The following SQOR variants were observed in gnomAD, a reference collection of about 807,000 sequenced individuals.
SQOR encodes sulfide quinone oxidoreductase.
In SQOR, 39 loss-of-function variants were observed where a neutral mutation model predicts 48.6. The observed-to-expected ratio is 0.80, with a 90% CI of 0.62 to 1.05. The LOEUF is 1.05. SQOR is among the 50% of genes least tolerant of loss of function. SQOR has a pLI of 0.00. For missense variants in SQOR, 561 were observed against 559.9 expected, an observed-to-expected ratio of 1.00 and a Z score of -0.02; for synonymous variants, 220 against 206.2, an observed-to-expected ratio of 1.07 and a Z score of -0.57.
At chr15:45,633,890 C>T (rs946671096), upstream of SQOR, among the ~76,000 whole-genome samples, 25 of 149,262 alleles carry the variant, frequency 1.7e-4, no homozygotes, top group African/African-American at 5.9e-4. Flanking sequence ...AAATAATATT[C>T]AAGGCTGGGC....
chr15:45,659,715 A>C (rs72715085), intron 2 of SQOR, among the ~76,000 whole-genome samples: 1 of 152,116 alleles, frequency 6.6e-6, no homozygotes, highest in Non-Finnish European at 1.5e-5. Flanking sequence ...GCCACCATTC[A>C]TTGGATTTAT....
At chr15:45,667,274 C>T (rs540430313) in intron 3 of SQOR, among the ~76,000 whole-genome samples, 80 of 151,212 alleles carry the variant, frequency 5.3e-4, no homozygotes, top group African/African-American at 1.9e-3. Flanking sequence ...TCCTGAGTAG[C>T]TGGGACTACA....
chr15:45,674,140 T>C (rs958636430), intron 5 of SQOR: 3 of 250,240 alleles, frequency 1.2e-5, no homozygotes, highest in East Asian at 2.2e-4. Flanking sequence ...AATGTGTGTG[T>C]AAAAGTCTAC....
At chr15:45,667,184 C>G (rs1212026816) in intron 3 of SQOR, among the ~76,000 whole-genome samples, 1 of 136,616 alleles carries the variant, frequency 7.3e-6, no homozygotes, top group Non-Finnish European at 1.6e-5. Context: ...GTTGCCCAGG[C>G]TGGAGTGCAG....
chr15:45,659,089 A>C lies in SQOR; in HGVS notation c.166A>C (p.Ile56Leu), dbSNP rs1889670982. The stretch of plus-strand genomic sequence containing the variant: ...GGTGCTGGGTGGGGGCAGTGGCGGA[A>C]TCACCATGGCTGCCCGCATGAAGAG... ...VLVLGGGSGG[I>L]TMAARMKRKV... Residue 56 changes from isoleucine to leucine, a missense_variant, in exon 2 of 10, where the codon ATC (isoleucine) becomes CTC (leucine). Coordinates refer to ENST00000260324, the MANE Select transcript of SQOR (RefSeq NM_021199.4). 1 of 1,591,662 alleles carries C rather than the reference A, an allele frequency of 6.3e-7. No homozygotes were observed. The highest frequency in any genetic ancestry group is 8.6e-7 in the Non-Finnish European group (1 of 1,169,154).
At chr15:45,672,200 C>A (rs971103544) in intron 4 of SQOR, among the ~76,000 whole-genome samples, 31 of 152,098 alleles carry the variant, frequency 2.0e-4, no homozygotes, top group African/African-American at 6.7e-4. Context: ...GTGCGAAGAC[C>A]CCCAGGCAGG....
chr15:45,635,225 CCGCAGACCCGGTGCGCCG>C (rs1339434510), intron 1 of SQOR, 117 bp downstream of exon 1: 1 of 152,394 alleles, frequency 6.6e-6, no homozygotes, highest in Non-Finnish European at 1.5e-5. Context: ...AGCTGGGACT[CCGCAGACCCGGTGCGCCG>C]CGCCCCAAAC....
chr15:45,659,059 G>A lies in SQOR; in HGVS notation c.136G>A (p.Val46Met), dbSNP rs147877839. ...ASHAARNHYE[V>M]LVLGGGSGGI... Reference sequence around the variant, plus strand: ...CCATGCGGCCAGGAACCATTATGAGGTGCTGGTGCTGGGTGGGGGCAGTGG... The same window carrying A: ...CCATGCGGCCAGGAACCATTATGAGATGCTGGTGCTGGGTGGGGGCAGTGG... The change falls in exon 2 of 10, where the codon GTG becomes ATG. Residue 46 changes from valine (V) to methionine (M), a missense_variant. Val to Met is a conservative substitution (Grantham distance 21). Coordinates refer to ENST00000260324, the MANE Select transcript of SQOR (RefSeq NM_021199.4). The A allele has an allele frequency of 6.6e-5, 106 of 1,597,258 alleles. 1 individual carries two copies. Among genetic ancestry groups the A allele is most frequent in the Middle Eastern group, 5.3e-4 (3 of 5,684 alleles).
At chr15:45,634,307 T>C (rs2140933976), upstream of SQOR, among the ~76,000 whole-genome samples, 1 of 150,790 alleles carries the variant, frequency 6.6e-6, no homozygotes, top group Admixed American at 6.6e-5. Context: ...TGAAAGCTTC[T>C]AGCACTTGCA....
At chr15:45,662,833 C>T (rs932554546) in intron 3 of SQOR, among the ~76,000 whole-genome samples, 9 of 152,204 alleles carry the variant, frequency 5.9e-5, no homozygotes, top group South Asian at 2.1e-4. Flanking sequence ...GTGCAGCCAC[C>T]GTGCTCTGAC....
chr15:45,679,201 C>T (rs1040526996), intron 6 of SQOR, among the ~76,000 whole-genome samples: 4 of 152,194 alleles, frequency 2.6e-5, no homozygotes, highest in African/African-American at 9.7e-5. Flanking sequence ...TAGTTCCACT[C>T]TTAAAATCTG....
At chr15:45,685,098 C>T (rs577546405) in intron 7 of SQOR, among the ~76,000 whole-genome samples, 1 of 152,210 alleles carries the variant, frequency 6.6e-6, no homozygotes, top group East Asian at 1.9e-4. Flanking sequence ...GCGGTTTTTG[C>T]CATTAAGAGT....
rs563379603 is a variant in SQOR at position 45,641,728 on chromosome 15, A to AG, written c.-18+6626dup. Among the ~76,000 whole-genome samples the AG allele has an allele frequency of 4.7e-3, 715 of 152,286 alleles. 3 individuals carry two copies. The highest frequency in any genetic ancestry group is 7.3e-3 in the Non-Finnish European group (499 of 68,004). On this transcript the variant is annotated intron_variant, in intron 1 of 9. Coordinates refer to ENST00000260324, the MANE Select transcript of SQOR (RefSeq NM_021199.4). The stretch of plus-strand genomic sequence containing the variant: ...CGGAACAACACTCATTCAGTTTTCA[A>AG]GGGGGGTGCTTTCCTTCTCCCTCAC...
At chr15:45,677,235 GC>G (rs1890054139) in intron 6 of SQOR, among the ~76,000 whole-genome samples, 1 of 150,336 alleles carries the variant, frequency 6.7e-6, no homozygotes, top group Non-Finnish European at 1.5e-5. Context: ...TCTTCTATCT[GC>G]CTTTGTCTAT....
rs1263815353 is a variant in SQOR, at chr15:45,682,511, C to T, written c.898C>T (p.Pro300Ser). Residue 300 changes from proline (P) to serine (S), a missense_variant, in exon 7 of 10, where the codon CCA becomes TCA. Transcript: ENST00000260324. ...GCTTCATGTCACACCTCCAATGAGC[C>T]CACCAGATGTCCTCAAGACCAGTCC... ...EMLHVTPPMS[P>S]PDVLKTSPVA... The T allele has an allele frequency of 2.5e-6, 4 of 1,614,152 alleles. No individual in the cohort carries two copies. The highest frequency in any genetic ancestry group is 3.4e-6 in the Non-Finnish European group (4 of 1,180,034).
intron 1 of SQOR, among the ~76,000 whole-genome samples, chr15:45,641,927 C>A (rs976709175): frequency 1.3e-5 from 2 of 152,162 alleles, no homozygotes; most frequent in Admixed American, 1.3e-4. Flanking sequence ...CACATTCACA[C>A]CCCTCATCTC....
rs112183143 is a variant in SQOR, at chr15:45,661,291, A to G, written c.235-664A>G. On this transcript the variant is annotated intron_variant, in intron 2 of 9. Transcript: ENST00000260324. The stretch of plus-strand genomic sequence containing the variant: ...GGGTGATTGGGCGAGACTCTGTCTT[A>G]AAAAAAAAAAAAAAAAAAAAAAAGG... Among the ~76,000 whole-genome samples, 125 of 86,322 alleles carry G rather than the reference A, an allele frequency of 1.4e-3. 1 individual carries two copies. The highest frequency in any genetic ancestry group is 7.6e-3 in the Middle Eastern group (1 of 132). The allele number at this position is 86,322 out of a possible 152,430, so 56.6% of individuals were successfully genotyped here. A position where few individuals can be genotyped will look rare whatever the true frequency, so the allele number is the denominator to read the frequency against.
chr15:45,664,084 G>A (rs537178871), intron 3 of SQOR, among the ~76,000 whole-genome samples: 3 of 152,222 alleles, frequency 2.0e-5, no homozygotes, highest in African/African-American at 7.2e-5. Context: ...ATTGGTATTG[G>A]GGCACATGGA....
chr15:45,642,963 C>A (rs542518273), intron 1 of SQOR, among the ~76,000 whole-genome samples: 98 of 152,274 alleles, frequency 6.4e-4, no homozygotes, highest in African/African-American at 2.3e-3. Context: ...AAAATTAGCC[C>A]ATGTGAAACT....
Sources: allele counts gnomAD v4.1 joint callset (sites outside exome capture counted in the v4.1 genomes callset), GRCh38; gene constraint gnomAD v4.1.1; transcripts MANE v1.5; gene names NCBI Gene and HGNC (gene_info 2026-07-23, HGNC 2026-07-21).